USP9X: variants seen among roughly 807,000 people sequenced by gnomAD.
USP9X encodes the protein ubiquitin specific peptidase 9 X-linked, also known as ubiquitin carboxyl-terminal hydrolase 9X.
A neutral mutation model predicts 190.3 loss-of-function variants in USP9X; 7 were observed. The ratio of observed to expected loss-of-function variants is 0.04; its 90% CI spans 0.02 to 0.07. The LOEUF is 0.07. Ranked by LOEUF, USP9X falls within the 10% of genes least tolerant of loss-of-function variation. The pLI is 1.00. For missense variants in USP9X, 1,010 were observed against 1,916.9 expected, an observed-to-expected ratio of 0.53 and a Z score of 8.83; for synonymous variants, 645 against 659.5, an observed-to-expected ratio of 0.98 and a Z score of 0.34.
intron 1 of USP9X, among the ~76,000 whole-genome samples, chrX:41,106,135 A>T (rs1373048285): frequency 1.8e-5 from 2 of 111,951 alleles, no homozygotes; most frequent in Admixed American, 1.9e-4. Context: ...TAAAATTTTG[A>T]TAAAGTCCCA....
In USP9X at chrX:41,218,553, G is replaced by C. The variant is rs1228993915; in HGVS notation, c.6391G>C (p.Gly2131Arg). Reference protein sequence around the residue: ...VFIAHFSLQDGPCPSPFASPG... With the variant: ...VFIAHFSLQDRPCPSPFASPG... ...TATTGCACATTTTTCCTTGCAAGAT[G>C]GGCCATGTCCTTCACCTTTTGCCTC... The change falls in exon 37 of 45, where the codon GGG becomes CGG. Residue 2131 changes from glycine (G) to arginine (R), a missense_variant. This residue lies in a region of USP9X where 121 missense variants were observed against 281.2 expected (regional missense o/e 0.43). Coordinates refer to ENST00000378308, the MANE Select transcript of USP9X (RefSeq NM_001039591.3). 8.3e-7 allele frequency: 1 copy of C among 1,211,642 alleles called. No individual in the cohort carries two copies. Among genetic ancestry groups the C allele is most frequent in the Non-Finnish European group, 1.1e-6 (1 of 895,509 alleles).
chrX:41,166,223 A>G lies in USP9X; in HGVS notation c.2328+9A>G, dbSNP rs1345180710. 5 of 1,126,454 alleles carry G rather than the reference A, an allele frequency of 4.4e-6. No homozygotes were observed. The South Asian group carries it at 6.3e-5, about 14-fold the overall frequency. 92.8% of individuals were successfully genotyped at this position (1,126,454 alleles called of 1,213,427 possible). On this transcript the variant is annotated intron_variant, in intron 16 of 44. Coordinates refer to ENST00000378308, the MANE Select transcript of USP9X (RefSeq NM_001039591.3). ...TAGATTACCTTTGGAGGGTAAGTCA[A>G]AAGTAGGAACTCTGTAAATGGTGTC...
intron 41 of USP9X, among the ~76,000 whole-genome samples, chrX:41,227,735 C>T (rs1393410462): frequency 1.8e-5 from 2 of 110,121 alleles, no homozygotes; most frequent in African/African-American, 6.6e-5. Context: ...GAGTCTCACT[C>T]TGTCACCCAG....
At position 41,131,139 on chromosome X, in the gene USP9X, A is replaced by G. The variant is rs192552765; in HGVS notation, c.243-318A>G. 7.0e-3 allele frequency among the ~76,000 whole-genome samples: 775 copies of G among 111,113 alleles called. 4 individuals are homozygous for G. Among genetic ancestry groups the G allele is most frequent in the African/African-American group, 0.023 (709 of 30,554 alleles). On this transcript the variant is annotated intron_variant, in intron 3 of 44. Transcript: ENST00000378308. ...GAGCACTTCCCTATGAATTTTAACA[A>G]AAATATCCATGATACCTAATTAGTT...
chrX:41,175,065 A>G (rs186201279), intron 21 of USP9X, among the ~76,000 whole-genome samples: 1 of 112,319 alleles, frequency 8.9e-6, no homozygotes, highest in African/African-American at 3.2e-5. Flanking sequence ...ATTCGTTTAT[A>G]TCTGTATGAA....
intron 27 of USP9X, 99 bp downstream of exon 27, chrX:41,196,458 C>G (rs1450107640): frequency 9.3e-7 from 1 of 1,071,852 alleles, no homozygotes; most frequent in African/African-American, 1.9e-5. Context: ...TTAGGACAGT[C>G]TATATTTAAT....
chrX:41,139,176 A>T (rs1054632596), intron 6 of USP9X, among the ~76,000 whole-genome samples: 1 of 112,572 alleles, frequency 8.9e-6, no homozygotes, highest in Non-Finnish European at 1.9e-5. Flanking sequence ...AAAATATATT[A>T]CATAATGAGC....
In USP9X at chrX:41,216,632, T is replaced by C; in HGVS notation, c.6065T>C (p.Val2022Ala). 1 of 1,208,582 alleles carries C rather than the reference T, an allele frequency of 8.3e-7. No individual in the cohort carries two copies. Among genetic ancestry groups the C allele is most frequent in the Non-Finnish European group, 1.1e-6 (1 of 893,314 alleles). ...AAAAAACTGCTTACATGTAATGGCG[T>C]TTACTTAAACCCTCCTCCCGGTGAG... Reference protein sequence around the residue: ...FMKKLLTCNGVYLNPPPGQDH... With the variant: ...FMKKLLTCNGAYLNPPPGQDH... The change falls in exon 35 of 45, where the codon GTT (valine) becomes GCT (alanine). Residue 2022 changes from valine to alanine, a missense_variant. Val to Ala is a moderately conservative substitution (Grantham distance 64, BLOSUM62 0). Coordinates refer to ENST00000378308, the MANE Select transcript of USP9X (RefSeq NM_001039591.3).
At position 41,158,490 on chromosome X, in the gene USP9X, G is replaced by A. The variant is rs753047033; in HGVS notation, c.1898-4300G>A. ...CAAGAATTTTACATTCAGCAGCACAGTCTTTAAAATCTGAAGGCAAGCTGA... is the reference window on the plus strand; with the variant it reads ...CAAGAATTTTACATTCAGCAGCACAATCTTTAAAATCTGAAGGCAAGCTGA... On this transcript the variant is annotated intron_variant, in intron 14 of 44. Coordinates refer to ENST00000378308, the MANE Select transcript of USP9X (RefSeq NM_001039591.3). Among the ~76,000 whole-genome samples, 43 of 111,192 alleles carry A rather than the reference G, an allele frequency of 3.9e-4. 1 individual carries two copies. Among genetic ancestry groups the A allele is most frequent in the Admixed American group, 2.8e-3 (29 of 10,491 alleles).
At chrX:41,225,233 A>C (rs1358345115) in intron 41 of USP9X, 96 bp downstream of exon 41, 4 of 745,804 alleles carry the variant, frequency 5.4e-6, no homozygotes, top group East Asian at 6.5e-5. Context: ...AACCTATTGG[A>C]GTTCTAGTGA....
chrX:41,136,580 C>T (rs1191217767), intron 5 of USP9X, among the ~76,000 whole-genome samples: 1 of 112,091 alleles, frequency 8.9e-6, no homozygotes, highest in Non-Finnish European at 1.9e-5. Context: ...TATGGTGCCT[C>T]TTGTATTTTT....
chrX:41,201,829 G>T (rs182581444), intron 31 of USP9X, among the ~76,000 whole-genome samples: 472 of 111,312 alleles, frequency 4.2e-3, no homozygotes, highest in Non-Finnish European at 7.1e-3. Flanking sequence ...AAATTAGCTG[G>T]GTGTGGTGGC....
chrX:41,087,379 A>G lies in USP9X; in HGVS notation c.-159+1270A>G, dbSNP rs184532757. 3.1e-3 allele frequency among the ~76,000 whole-genome samples: 347 copies of G among 112,347 alleles called. 2 individuals carry two copies. The highest frequency in any genetic ancestry group is 0.011 in the African/African-American group (340 of 30,891). ...ACCCTTAGGTAAGGACTCCTTAACC[A>G]TGACTAGCTTGGCTGGTTAGTACAC... On this transcript the variant is annotated intron_variant, in intron 1 of 44. Coordinates refer to ENST00000378308, the MANE Select transcript of USP9X (RefSeq NM_001039591.3).
At chrX:41,145,784 TTACTGGC>T (rs1375005467) in intron 11 of USP9X, among the ~76,000 whole-genome samples, 1 of 111,579 alleles carries the variant, frequency 9.0e-6, no homozygotes, top group Non-Finnish European at 1.9e-5. Context: ...AATACCATTT[TTACTGGC>T]TTCCATCACA....
At chrX:41,124,888 G>A (rs1039400227) in intron 2 of USP9X, among the ~76,000 whole-genome samples, 11 of 111,685 alleles carry the variant, frequency 9.8e-5, no homozygotes, top group Non-Finnish European at 1.9e-4. Flanking sequence ...AGGATCAATT[G>A]AATTAATGCT....
At chrX:41,231,685 G>A (rs1474086315) in intron 44 of USP9X, among the ~76,000 whole-genome samples, 1 of 103,289 alleles carries the variant, frequency 9.7e-6, no homozygotes, top group African/African-American at 3.6e-5. Context: ...AGTCGAGATA[G>A]CACCATTGCA....
intron 26 of USP9X, chrX:41,189,758 C>A: frequency 5.0e-6 from 1 of 200,208 alleles, no homozygotes; most frequent in Non-Finnish European, 9.1e-6. Context: ...ATCTAGTTTG[C>A]AAGATTTAAA....
intron 26 of USP9X, among the ~76,000 whole-genome samples, chrX:41,192,614 T>C (rs762112703): frequency 9.0e-6 from 1 of 111,488 alleles, no homozygotes; most frequent in East Asian, 2.8e-4. Flanking sequence ...AGGAGGTTAG[T>C]GGGAGTCAGT....
At chrX:41,163,117 T>C (rs1234906215) in intron 15 of USP9X, among the ~76,000 whole-genome samples, 5 of 111,931 alleles carry the variant, frequency 4.5e-5, no homozygotes, top group African/African-American at 1.6e-4. Flanking sequence ...TCATATCTGT[T>C]TATGCTGGAA....
Sources: allele counts gnomAD v4.1 joint callset (sites outside exome capture counted in the v4.1 genomes callset), GRCh38; gene constraint gnomAD v4.1.1; regional missense constraint gnomAD v4.1.1; transcripts MANE v1.5; gene names NCBI Gene and HGNC (gene_info 2026-07-23, HGNC 2026-07-21).